Variants in LDLRAD3 observed in about 807,000 individuals in gnomAD.
The protein encoded by LDLRAD3 is low-density lipoprotein receptor class A domain-containing protein 3.
In LDLRAD3, 20 loss-of-function variants were observed where a neutral mutation model predicts 29.4. The observed-to-expected ratio is 0.68, with a 90% CI of 0.48 to 0.99. The LOEUF (loss-of-function observed/expected upper bound fraction) is 0.99, where lower values mean the gene tolerates loss of function less well. Ranked by LOEUF, LDLRAD3 falls within the 50% of genes least tolerant of loss-of-function variation. The pLI is 0.00. For missense variants in LDLRAD3, 420 were observed against 454.3 expected (o/e 0.92, Z 0.69); for synonymous variants, 157 against 192.7 (o/e 0.81, Z 1.53).
intron 1 of LDLRAD3, among the ~76,000 whole-genome samples, chr11:36,035,353 C>A (rs1459548749): frequency 6.6e-6 from 1 of 152,130 alleles, no homozygotes; most frequent in Non-Finnish European, 1.5e-5. Flanking sequence ...CCTCCACCGC[C>A]ACAGCACTGG....
intron 2 of LDLRAD3, among the ~76,000 whole-genome samples, chr11:36,060,603 T>C (rs1166076548): frequency 6.6e-6 from 1 of 152,174 alleles, no homozygotes; most frequent in Non-Finnish European, 1.5e-5. Flanking sequence ...ATTTTGTAAC[T>C]GACTCACATT....
rs2133281166 is a variant in LDLRAD3 at position 36,105,212 on chromosome 11, T to C, written c.454+6751T>C. ...CTGTTCCTTCTGCAGAATTTGTGTG[T>C]GTGTGTGTGTGTGTGTGTGTGTGTG... On this transcript the variant is annotated intron_variant, in intron 4 of 5. Coordinates refer to ENST00000315571, the MANE Select transcript of LDLRAD3 (RefSeq NM_174902.4). 1.4e-5 allele frequency among the ~76,000 whole-genome samples: 2 copies of C among 143,620 alleles called. 1 individual carries two copies. Among genetic ancestry groups the C allele is most frequent in the East Asian group, 4.2e-4 (2 of 4,760 alleles). The allele number at this position is 143,620 out of a possible 152,430, so 94.2% of individuals were successfully genotyped here.
chr11:36,101,198 A>G (rs1037299822), intron 4 of LDLRAD3, among the ~76,000 whole-genome samples: 5 of 152,168 alleles, frequency 3.3e-5, no homozygotes, highest in African/African-American at 1.2e-4. Context: ...TGTCAGTTTC[A>G]TGGGTATAAC....
chr11:36,160,070 A>G (rs1251073489), intron 4 of LDLRAD3, among the ~76,000 whole-genome samples: 1 of 152,334 alleles, frequency 6.6e-6, no homozygotes, highest in East Asian at 1.9e-4. Context: ...ACTGGCTGTG[A>G]GCGAGGCAGA....
chr11:36,128,443 G>C (rs1853874684), intron 4 of LDLRAD3, among the ~76,000 whole-genome samples: 1 of 152,146 alleles, frequency 6.6e-6, no homozygotes, highest in African/African-American at 2.4e-5. Context: ...AGAGATGCCA[G>C]AGGGTGCCAT....
intron 4 of LDLRAD3, among the ~76,000 whole-genome samples, chr11:36,168,318 C>T (rs1158460372): frequency 1.3e-5 from 2 of 152,084 alleles, no homozygotes; most frequent in African/African-American, 4.8e-5. Flanking sequence ...CTTGAGCATG[C>T]AATTTTTGGT....
At chr11:36,012,102 T>C (rs1013383707) in intron 1 of LDLRAD3, among the ~76,000 whole-genome samples, 1 of 152,228 alleles carries the variant, frequency 6.6e-6, no homozygotes, top group Admixed American at 6.5e-5. Flanking sequence ...ATTAATATAT[T>C]CTATAGTAGT....
At chr11:36,004,635 C>T (rs1851862231) in intron 1 of LDLRAD3, among the ~76,000 whole-genome samples, 1 of 152,216 alleles carries the variant, frequency 6.6e-6, no homozygotes, top group Admixed American at 6.5e-5. Context: ...AGGCAGTGCC[C>T]CAGTGGTTAC....
chr11:36,028,571 A>G (rs1479279965), intron 1 of LDLRAD3, among the ~76,000 whole-genome samples: 1 of 152,216 alleles, frequency 6.6e-6, no homozygotes, highest in Non-Finnish European at 1.5e-5. Flanking sequence ...ATGGTTGGGA[A>G]AAAAATCAGA....
intron 2 of LDLRAD3, among the ~76,000 whole-genome samples, chr11:36,044,278 C>T (rs185400873): frequency 4.1e-4 from 62 of 152,186 alleles, no homozygotes; most frequent in African/African-American, 1.4e-3. Context: ...GTGTGCAGGC[C>T]GTAAGCCAGT....
intron 4 of LDLRAD3, among the ~76,000 whole-genome samples, chr11:36,165,760 A>G (rs984803557): frequency 1.5e-5 from 2 of 133,708 alleles, no homozygotes; most frequent in East Asian, 4.6e-4. Context: ...GTTTTAAGTC[A>G]TCTTACATGA....
intron 2 of LDLRAD3, among the ~76,000 whole-genome samples, chr11:36,068,778 A>G (rs986836030): frequency 6.6e-6 from 1 of 152,126 alleles, no homozygotes; most frequent in Admixed American, 6.5e-5. Flanking sequence ...AGCCTCCCCA[A>G]GTGCTGGGAT....
rs12269814 is a variant in LDLRAD3, at chr11:36,191,628, G to A, written c.455-35457G>A. Among the ~76,000 whole-genome samples the A allele has an allele frequency of 4.2e-3, 432 of 103,176 alleles. 7 individuals carry two copies. The highest frequency in any genetic ancestry group is 0.015 in the African/African-American group (306 of 20,524). 67.7% of individuals were successfully genotyped at this position (103,176 alleles called of 152,430 possible). A position where few individuals can be genotyped will look rare whatever the true frequency, so the allele number is the denominator to read the frequency against. On this transcript the variant is annotated intron_variant, in intron 4 of 5. Transcript: ENST00000315571. ...CACACACACACACACACACACGCAC[G>A]CACGCACGCACAAAGAAGAAATTGA...
At chr11:36,125,517 A>G (rs930606125) in intron 4 of LDLRAD3, among the ~76,000 whole-genome samples, 18 of 152,252 alleles carry the variant, frequency 1.2e-4, no homozygotes, top group Non-Finnish European at 7.3e-5. Flanking sequence ...CATAGTAGAT[A>G]GTCAATGTTT....
chr11:35,958,211 C>A (rs1010261627), intron 1 of LDLRAD3, among the ~76,000 whole-genome samples: 1 of 152,186 alleles, frequency 6.6e-6, no homozygotes, highest in African/African-American at 2.4e-5. Context: ...AATTCAGTTT[C>A]TCAGTCACAC....
intron 1 of LDLRAD3, among the ~76,000 whole-genome samples, chr11:35,987,609 G>A (rs1851630922): frequency 6.6e-6 from 1 of 152,148 alleles, no homozygotes; most frequent in African/African-American, 2.4e-5. Flanking sequence ...TTATGGCTGT[G>A]TATGTAGTAG....
At chr11:36,158,525 C>CT (rs61352747) in intron 4 of LDLRAD3, among the ~76,000 whole-genome samples, 5,609 of 107,034 alleles carry the variant, frequency 0.052, 288 homozygotes, top group Middle Eastern at 0.095. Context: ...ATGTTCTGGG[C>CT]TTTTTTTTTT....
At chr11:35,975,510 G>A (rs911967942) in intron 1 of LDLRAD3, among the ~76,000 whole-genome samples, 1 of 152,140 alleles carries the variant, frequency 6.6e-6, no homozygotes, top group African/African-American at 2.4e-5. Context: ...ATTTCCTTAA[G>A]TCAATTTTGT....
chr11:36,217,931 T>A (rs1855374785), intron 4 of LDLRAD3, among the ~76,000 whole-genome samples: 1 of 152,214 alleles, frequency 6.6e-6, no homozygotes, highest in African/African-American at 2.4e-5. Context: ...AATGAGCTCA[T>A]CTTGAAACTC....
Sources: allele counts gnomAD v4.1 joint callset (sites outside exome capture counted in the v4.1 genomes callset), GRCh38; gene constraint gnomAD v4.1.1; transcripts MANE v1.5; gene names NCBI Gene and HGNC (gene_info 2026-07-23, HGNC 2026-07-21).